Variants in CCDC171 observed in about 807,000 individuals in gnomAD.
CCDC171 encodes coiled-coil domain containing 171.
CCDC171 carries 177 observed loss-of-function variants against 168.2 expected under a neutral mutation model. The observed-to-expected ratio is 1.05, with a 90% confidence interval of 0.93 to 1.19. The LOEUF (loss-of-function observed/expected upper bound fraction) is 1.19. CCDC171 is among the 50% of genes most tolerant of loss of function. The pLI is 0.00. For missense variants in CCDC171, 1,991 were observed against 1,539.0 expected (o/e 1.29, Z -4.91); for synonymous variants, 687 against 540.8 (o/e 1.27, Z -3.75).
chr9:15,907,879 A>G (rs1191940980), intron 24 of CCDC171, among the ~76,000 whole-genome samples: 1 of 152,278 alleles, frequency 6.6e-6, no homozygotes, highest in Non-Finnish European at 1.5e-5. Context: ...GGAGACACTT[A>G]TGCAGCCAAC....
chr9:15,753,144 G>A (rs1040196845), intron 18 of CCDC171, among the ~76,000 whole-genome samples: 1 of 152,030 alleles, frequency 6.6e-6, no homozygotes, highest in Non-Finnish European at 1.5e-5. Flanking sequence ...TGTAATTAAG[G>A]GTGAGATGAA....
intron 1 of CCDC171, among the ~76,000 whole-genome samples, chr9:16,059,653 T>G (rs1833901333): frequency 6.6e-6 from 1 of 150,400 alleles, no homozygotes; most frequent in African/African-American, 2.5e-5. Context: ...TAGCTGGGAC[T>G]ACAGGCGCCC....
intron 3 of CCDC171, among the ~76,000 whole-genome samples, chr9:15,573,669 T>C (rs2040414872): frequency 6.6e-6 from 1 of 152,262 alleles, no homozygotes; most frequent in South Asian, 2.1e-4. Flanking sequence ...GTTAAATGTG[T>C]GCTAATTATT....
the CCDC171 span, among the ~76,000 whole-genome samples, chr9:16,092,981 G>T: frequency 6.6e-6 from 1 of 152,200 alleles, no homozygotes; most frequent in African/African-American, 2.4e-5. Context: ...GGCTGTGGGA[G>T]TTCATGGGCC....
chr9:15,958,413 T>C (rs1024831222), intron 25 of CCDC171, among the ~76,000 whole-genome samples: 1 of 151,808 alleles, frequency 6.6e-6, no homozygotes, highest in Non-Finnish European at 1.5e-5. Flanking sequence ...AATAGCTACA[T>C]GTGGCTACCA....
intron 25 of CCDC171, among the ~76,000 whole-genome samples, chr9:15,921,015 A>G (rs765209390): frequency 1.3e-4 from 19 of 151,766 alleles, no homozygotes; most frequent in Non-Finnish European, 2.4e-4. Context: ...GTTTTAAAAA[A>G]TGAATGTATT....
At chr9:16,095,760 T>G in the CCDC171 span, among the ~76,000 whole-genome samples, 1 of 151,868 alleles carries the variant, frequency 6.6e-6, no homozygotes, top group South Asian at 2.1e-4. Flanking sequence ...GGTACTGAAC[T>G]TCTCTGAGCC....
intron 25 of CCDC171, among the ~76,000 whole-genome samples, chr9:15,942,429 T>A (rs115441525): frequency 0.011 from 1,674 of 151,968 alleles, 34 homozygotes; most frequent in African/African-American, 0.038. Context: ...ATTTCTGTGG[T>A]CTCCCTGCCC....
At chr9:15,799,520 G>C (rs1356183997) in intron 21 of CCDC171, among the ~76,000 whole-genome samples, 1 of 151,524 alleles carries the variant, frequency 6.6e-6, no homozygotes, top group Admixed American at 6.6e-5. Flanking sequence ...ATATTTATGG[G>C]GTACATGAGA....
chr9:15,874,660 C>T lies in CCDC171; in HGVS notation c.3597C>T (p.Cys1199=), dbSNP rs765262557. ...AGGGCGGGCCAGAGGTGGTAGCATG[C>T]CAGGTTAGAGTCTAAATAACATTGT... ...GLKGGPEVVA[C]QAMIKSFMDV... is the part of the protein sequence containing the mutation. The change falls in exon 24 of 26, where the codon TGC becomes TGT. Residue 1199 remains cysteine (C), a synonymous_variant. Transcript: ENST00000380701. The T allele has an allele frequency of 5.7e-6, 9 of 1,572,332 alleles. No homozygotes were observed. In the African/African-American group the frequency reaches 8.3e-5, roughly 14 times the overall value.
At chr9:15,897,976 C>T (rs1471192990) in intron 24 of CCDC171, among the ~76,000 whole-genome samples, 1 of 152,154 alleles carries the variant, frequency 6.6e-6, no homozygotes, top group Non-Finnish European at 1.5e-5. Flanking sequence ...CACTGAACCA[C>T]AGTTTCTTAG....
chr9:15,708,172 C>T (rs1427686530), intron 11 of CCDC171, among the ~76,000 whole-genome samples: 1 of 152,210 alleles, frequency 6.6e-6, no homozygotes, highest in Admixed American at 6.5e-5. Context: ...AGCATTTCTT[C>T]GTGCCTATGT....
At chr9:15,892,741 CCTCT>C (rs1336969852) in intron 24 of CCDC171, among the ~76,000 whole-genome samples, 1 of 152,016 alleles carries the variant, frequency 6.6e-6, no homozygotes, top group African/African-American at 2.4e-5. Context: ...AAGGGAAGGA[CCTCT>C]TCAAGGAAAA....
chr9:16,084,596 A>G, the CCDC171 span, among the ~76,000 whole-genome samples: 1 of 152,050 alleles, frequency 6.6e-6, no homozygotes, highest in South Asian at 2.1e-4. Flanking sequence ...AACCCAGACT[A>G]CCCGCTTTCC....
At chr9:15,814,530 C>G (rs1001736870) in intron 21 of CCDC171, among the ~76,000 whole-genome samples, 6 of 152,022 alleles carry the variant, frequency 3.9e-5, no homozygotes, top group Non-Finnish European at 4.4e-5. Flanking sequence ...ATGTTGCTCT[C>G]TGCTTACTAA....
At chr9:15,759,904 C>A (rs916981807) in intron 18 of CCDC171, among the ~76,000 whole-genome samples, 2 of 152,002 alleles carry the variant, frequency 1.3e-5, no homozygotes, top group Non-Finnish European at 2.9e-5. Flanking sequence ...CATCATAGGA[C>A]AGGTAGCAGG....
At chr9:15,644,349 A>G (rs934424618) in intron 7 of CCDC171, among the ~76,000 whole-genome samples, 2 of 152,160 alleles carry the variant, frequency 1.3e-5, no homozygotes, top group Admixed American at 1.3e-4. Flanking sequence ...TGTATTTCCA[A>G]CTGAGGTACT....
In CCDC171 at chr9:15,815,890, A is replaced by G. The variant is rs186421602; in HGVS notation, c.3268-30812A>G. On this transcript the variant is annotated intron_variant, in intron 21 of 25. Coordinates refer to ENST00000380701, the MANE Select transcript of CCDC171 (RefSeq NM_173550.4). ...ACCATTGAGACCTATAAGACAGTTA[A>G]TTATATTTCAAGGTCAGAGAAAAAG... Among the ~76,000 whole-genome samples the G allele has an allele frequency of 2.4e-3, 277 of 117,602 alleles. 72 individuals are homozygous for G. Among genetic ancestry groups the G allele is most frequent in the Admixed American group, 9.9e-3 (122 of 12,376 alleles). The allele number at this position is 117,602 out of a possible 152,430, so 77.2% of individuals were successfully genotyped here. A position where few individuals can be genotyped will look rare whatever the true frequency, so the allele number is the denominator to read the frequency against.
At chr9:15,967,922 A>G (rs901861616) in intron 25 of CCDC171, among the ~76,000 whole-genome samples, 2 of 152,330 alleles carry the variant, frequency 1.3e-5, no homozygotes, top group Non-Finnish European at 2.9e-5. Context: ...CTTACAGACA[A>G]TTTATTGGGT....
Sources: allele counts gnomAD v4.1 joint callset (sites outside exome capture counted in the v4.1 genomes callset), GRCh38; gene constraint gnomAD v4.1.1; transcripts MANE v1.5; gene names NCBI Gene and HGNC (gene_info 2026-07-23, HGNC 2026-07-21).